The following SNRPN variants were observed in gnomAD, a reference collection of about 807,000 sequenced individuals.
The protein encoded by SNRPN is small nuclear ribonucleoprotein polypeptide N, also known as small nuclear ribonucleoprotein-associated protein N.
Under a neutral mutation model 25.2 loss-of-function variants are expected in SNRPN, and 7 were observed. The observed-to-expected ratio is 0.28, with a 90% CI of 0.16 to 0.52. SNRPN has a LOEUF of 0.52. SNRPN is among the 20% of genes least tolerant of loss of function. SNRPN has a pLI of 0.96. For synonymous variants in SNRPN, 124 were observed against 110.6 expected (o/e 1.12, Z -0.76); for missense variants, 196 against 322.5 (o/e 0.61, Z 3.00).
At chr15:24,893,986 CA>C (rs1785895697) in intron 2 of SNRPN, among the ~76,000 whole-genome samples, 1 of 152,056 alleles carries the variant, frequency 6.6e-6, no homozygotes, top group Non-Finnish European at 1.5e-5. Context: ...AAAGAGGGTG[CA>C]AAAAATGCAG....
chr15:24,966,102 A>G (rs1414158217), intron 2 of SNRPN, among the ~76,000 whole-genome samples: 2 of 152,146 alleles, frequency 1.3e-5, no homozygotes, highest in East Asian at 3.9e-4. Context: ...ACAGTTGTCT[A>G]GATGCCCTCC....
intron 1 of SNRPN, among the ~76,000 whole-genome samples, chr15:24,828,115 T>C (rs2050231900): frequency 6.6e-6 from 1 of 152,098 alleles, no homozygotes. Context: ...TAACACAATA[T>C]TGAGATTAAC....
At position 24,929,419 on chromosome 15, in the gene SNRPN, A is replaced by G. The variant is rs1249931328; in HGVS notation, c.-391+9295A>G. Among the ~76,000 whole-genome samples, 1 of 152,120 alleles carries G rather than the reference A, an allele frequency of 6.6e-6. No individual in the cohort carries two copies. Among genetic ancestry groups the G allele is most frequent in the Non-Finnish European group, 1.5e-5 (1 of 68,022 alleles). On this transcript the variant is annotated intron_variant, in intron 3 of 11. Coordinates refer to the SNRPN transcript ENST00000400097. The surrounding 1 kb of genome is among the most constrained non-coding windows in gnomAD (Gnocchi z 5.3). ...GAGCATCATCATACACACATCATAG[A>G]TTTAATATTAAACTTTTAAAATTTT...
chr15:24,966,489 A>G (rs1323732722), intron 2 of SNRPN, among the ~76,000 whole-genome samples: 1 of 152,110 alleles, frequency 6.6e-6, no homozygotes, highest in East Asian at 1.9e-4. Flanking sequence ...ATGTCACTGA[A>G]TTCAGTCAGC....
At chr15:24,887,300 A>G (rs1223982935) in intron 2 of SNRPN, among the ~76,000 whole-genome samples, 3 of 151,932 alleles carry the variant, frequency 2.0e-5, no homozygotes, top group Non-Finnish European at 2.9e-5. Flanking sequence ...GGCATGCGCC[A>G]CCATGCCTGG....
At chr15:24,855,347 C>T (rs1260138756), upstream of SNRPN, among the ~76,000 whole-genome samples, 1 of 152,162 alleles carries the variant, frequency 6.6e-6, no homozygotes, top group Non-Finnish European at 1.5e-5. Context: ...TACTCCCAAT[C>T]ACCTAGTGAA....
At chr15:24,881,937 GATATCCTTCCTATCTGAAGTGGCC>G (rs1230587929) in intron 1 of SNRPN, among the ~76,000 whole-genome samples, 1 of 152,120 alleles carries the variant, frequency 6.6e-6, no homozygotes, top group Non-Finnish European at 1.5e-5. Flanking sequence ...GGCGGAACAA[GATATCCTTCCTATCTGAAGTGGCC>G]ATGGGTTTTC....
Position 24,830,394 on chromosome 15 carries a change from A to G in SNRPN, c.-579+489A>G, listed in dbSNP as rs536101584. On this transcript the variant is annotated intron_variant, in intron 2 of 12. Coordinates refer to the SNRPN transcript ENST00000400100. ...TGTATGTCCTGGAAAATATGAAACT[A>G]TCGATACTCACTTGAAAATTCCAGG... 2.7e-4 allele frequency among the ~76,000 whole-genome samples: 41 copies of G among 152,120 alleles called. 1 individual carries two copies. Among genetic ancestry groups the G allele is most frequent in the African/African-American group, 9.4e-4 (39 of 41,428 alleles).
intron 6 of SNRPN, 38 bp downstream of exon 6, chr15:24,976,454 C>T (rs760111757): frequency 7.6e-7 from 1 of 1,310,968 alleles, no homozygotes; most frequent in Non-Finnish European, 1.1e-6. Flanking sequence ...CTTTAATTTG[C>T]AGGGACATCA....
intron 1 of SNRPN, among the ~76,000 whole-genome samples, chr15:24,870,560 T>TTC (rs1566847495): frequency 6.6e-6 from 1 of 152,026 alleles, no homozygotes; most frequent in Admixed American, 6.6e-5. Context: ...AGTTAGAGGC[T>TTC]ACATGCATAG....
At chr15:24,956,568 C>T (rs1263541786) in intron 1 of SNRPN, among the ~76,000 whole-genome samples, 5 of 151,940 alleles carry the variant, frequency 3.3e-5, no homozygotes, top group Admixed American at 1.3e-4. Context: ...TGACAGTCGC[C>T]TCCGCTTGCA....
chr15:24,972,339 G>A (rs981849261), intron 3 of SNRPN, among the ~76,000 whole-genome samples: 1 of 151,284 alleles, frequency 6.6e-6, no homozygotes, highest in Non-Finnish European at 1.5e-5. Context: ...AGAATCATAA[G>A]ATAATATTCA....
At chr15:24,969,421 G>T (rs892630204) in intron 3 of SNRPN, among the ~76,000 whole-genome samples, 1 of 152,046 alleles carries the variant, frequency 6.6e-6, no homozygotes, top group South Asian at 2.1e-4. Flanking sequence ...GACCTACCGC[G>T]CCCGGCCCAT....
At chr15:24,925,326 G>C (rs2060305100) in intron 3 of SNRPN, among the ~76,000 whole-genome samples, 1 of 152,030 alleles carries the variant, frequency 6.6e-6, no homozygotes, top group Non-Finnish European at 1.5e-5. Flanking sequence ...TCAAAAGTAG[G>C]ATTGTGGCCA....
upstream of SNRPN, among the ~76,000 whole-genome samples, chr15:24,952,079 A>G (rs1313876224): frequency 6.6e-6 from 1 of 152,184 alleles, no homozygotes; most frequent in African/African-American, 2.4e-5. Flanking sequence ...ACATAAGTAT[A>G]CATGGAATAT....
chr15:24,850,835 GTTCATC>G (rs2052753271), intron 2 of SNRPN: 1 of 152,256 alleles, frequency 6.6e-6, no homozygotes, highest in African/African-American at 2.4e-5. Flanking sequence ...AAAGAACCAT[GTTCATC>G]TTCAGATTCA....
At chr15:24,908,103 A>C (rs2058968829) in intron 2 of SNRPN, among the ~76,000 whole-genome samples, 1 of 151,004 alleles carries the variant, frequency 6.6e-6, no homozygotes, top group Non-Finnish European at 1.5e-5. Context: ...GAAAGCACAG[A>C]GCAGCCCTTA....
At chr15:24,907,380 A>T (rs1188118787) in intron 2 of SNRPN, among the ~76,000 whole-genome samples, 2 of 151,300 alleles carry the variant, frequency 1.3e-5, no homozygotes, top group East Asian at 4.0e-4. Flanking sequence ...GGCGGATCAC[A>T]AGGTCAGGAG....
At chr15:24,974,943 A>T (rs1022175223) in intron 4 of SNRPN, 1 of 703,032 alleles carries the variant, frequency 1.4e-6, no homozygotes, top group Non-Finnish European at 2.6e-6. Flanking sequence ...TGTCCTGCAG[A>T]TGATGGACTC....
Sources: gnomAD v4.1 joint callset for allele counts (sites outside exome capture counted in the v4.1 genomes callset) on GRCh38, gnomAD v4.1.1 for gene constraint, Gnocchi (gnomAD v3.1) non-coding constraint, MANE v1.5 for transcripts, NCBI Gene and HGNC (gene_info 2026-07-23, HGNC 2026-07-21) for gene names.